The following AGL variants were observed in gnomAD, a reference collection of about 807,000 sequenced individuals.
AGL encodes the protein amylo-alpha-1,6-glucosidase and 4-alpha-glucanotransferase.
Under a neutral mutation model 199.3 loss-of-function variants are expected in AGL, and 128 were observed. The ratio of observed to expected loss-of-function variants is 0.64; its 90% confidence interval spans 0.56 to 0.74. The LOEUF is 0.74. Ranked by LOEUF, AGL falls within the 30% of genes least tolerant of loss-of-function variation. The pLI, the probability that AGL is intolerant of heterozygous loss-of-function variation, is 0.00. For missense variants in AGL, 1,809 were observed against 1,820.8 expected, an observed-to-expected ratio of 0.99 and a Z score of 0.12; for synonymous variants, 584 against 594.7, an observed-to-expected ratio of 0.98 and a Z score of 0.26.
chr1:99,917,840 A>C lies in AGL; in HGVS notation c.4481+1109A>C, dbSNP rs191728382. 2.0e-5 allele frequency among the ~76,000 whole-genome samples: 3 copies of C among 152,226 alleles called. No individual in the cohort carries two copies. The East Asian group carries it at 5.8e-4, about 29-fold the overall frequency. On this transcript the variant is annotated intron_variant, in intron 33 of 33. Coordinates refer to ENST00000361915, the MANE Select transcript of AGL (RefSeq NM_000642.3). ...TTTTTCCCCTCCCGGCCTGTGTGCT[A>C]TCATCATCATCCATTTTGCTTTTAC...
chr1:99,857,847 A>AGAGGGAGACCGTGGG (rs1557743553), intron 2 of AGL, among the ~76,000 whole-genome samples: 7 of 8,242 alleles, frequency 8.5e-4, no homozygotes, highest in East Asian at 4.7e-3. Flanking sequence ...GGGGAGGGGG[A>AGAGGGAGACCGTGGG]GGGGGGAAGA....
intron 33 of AGL, among the ~76,000 whole-genome samples, chr1:99,920,280 C>A (rs145383534): frequency 6.6e-6 from 1 of 152,320 alleles, no homozygotes; most frequent in East Asian, 1.9e-4. Context: ...CAGAGCCATG[C>A]TCCCTCTGAA....
chr1:99,870,193 GAAAAA>G (rs530402620), intron 5 of AGL, among the ~76,000 whole-genome samples: 180 of 140,408 alleles, frequency 1.3e-3, no homozygotes, highest in African/African-American at 4.3e-3. Context: ...ATTAAAGTTA[GAAAAA>G]AAAAAAGTAT....
At chr1:99,889,418 A>G (rs1652712465) in intron 21 of AGL, among the ~76,000 whole-genome samples, 1 of 152,126 alleles carries the variant, frequency 6.6e-6, no homozygotes, top group Non-Finnish European at 1.5e-5. Flanking sequence ...TGAGTAAGAA[A>G]GAAGTGTATG....
rs1350467206 is a variant in AGL, at chr1:99,862,372, T to C, written c.409T>C (p.Leu137=). ...VTLQTFLAKC[L]GPFDEWESRL... is the part of the protein sequence containing the mutation. ...TCTTCAGACATTTTTAGCTAAGTGTTTGGGACCTTTTGATGAATGGGAAAG... is the reference window on the plus strand; with the variant it reads ...TCTTCAGACATTTTTAGCTAAGTGTCTGGGACCTTTTGATGAATGGGAAAG... Residue 137 remains leucine, a synonymous_variant, in exon 4 of 34, where the codon TTG becomes CTG. Transcript: ENST00000361915. 3.1e-6 allele frequency: 5 copies of C among 1,614,004 alleles called. No homozygotes were observed. The highest frequency in any genetic ancestry group is 3.4e-6 in the Non-Finnish European group (4 of 1,180,010).
At chr1:99,855,188 G>A (rs1260995453) in intron 2 of AGL, among the ~76,000 whole-genome samples, 7 of 151,976 alleles carry the variant, frequency 4.6e-5, no homozygotes, top group Middle Eastern at 3.4e-3. Context: ...GCAACAGAGC[G>A]AGACTCCGAC....
chr1:99,917,326 A>T (rs1050631791), intron 33 of AGL, among the ~76,000 whole-genome samples: 68 of 152,254 alleles, frequency 4.5e-4, no homozygotes, highest in Middle Eastern at 3.4e-3. Flanking sequence ...CACAAATTTT[A>T]TCTCCTTTCT....
chr1:99,851,118 G>C lies in AGL; in HGVS notation c.76G>C (p.Glu26Gln), dbSNP rs781592803. Reference sequence around the variant, plus strand: ...ACTGGAAAAGACCCTCTTCAGACTTGAACAAGGTCAGTAGCAAGTTGTTTT... The same window carrying C: ...ACTGGAAAAGACCCTCTTCAGACTTCAACAAGGTCAGTAGCAAGTTGTTTT... ...EKLEKTLFRLEQGYELQFRLG... is the reference protein window; with the variant it reads ...EKLEKTLFRLQQGYELQFRLG... The change falls in exon 2 of 34, where the codon GAA (glutamate) becomes CAA (glutamine). Residue 26 changes from glutamate (E) to glutamine (Q), a missense_variant. Glu to Gln is a conservative substitution (Grantham distance 29, BLOSUM62 2). Transcript: ENST00000361915. The C allele has an allele frequency of 6.8e-6, 11 of 1,613,762 alleles. No homozygotes were observed. Among genetic ancestry groups the C allele is most frequent in the Admixed American group, 1.7e-5 (1 of 60,024 alleles).
At chr1:99,857,781 C>G (rs1239730584) in intron 2 of AGL, among the ~76,000 whole-genome samples, 6 of 9,012 alleles carry the variant, frequency 6.7e-4, no homozygotes, top group Admixed American at 1.5e-3. Context: ...AGCCTTGGCT[C>G]GGCATCAGAG....
chr1:99,879,990 G>GTGAA lies in AGL; in HGVS notation c.1680_1683dup (p.Asp562Ter). ...GTAGTAGCTGAACTGTTCACAGGAA[G>GTGAA]TGAAGATCTGGACAATGTCTTTGTT... On this transcript the variant is annotated frameshift_variant, in exon 13 of 34. Coordinates refer to ENST00000361915, the MANE Select transcript of AGL (RefSeq NM_000642.3). LOFTEE classifies it high-confidence loss of function. 1.2e-6 allele frequency: 2 copies of GTGAA among 1,613,766 alleles called. No homozygotes were observed. The highest frequency in any genetic ancestry group is 1.7e-6 in the Non-Finnish European group (2 of 1,179,818).
chr1:99,908,320 T>G (rs944645665), intron 27 of AGL, among the ~76,000 whole-genome samples: 3 of 152,194 alleles, frequency 2.0e-5, no homozygotes, highest in Non-Finnish European at 4.4e-5. Flanking sequence ...CAAAAAAAAT[T>G]TGACTGCATA....
At chr1:99,874,413 T>C (rs1040538915) in intron 7 of AGL, 1 of 257,136 alleles carries the variant, frequency 3.9e-6, no homozygotes, top group African/African-American at 2.2e-5. Context: ...GGGGCTGAGA[T>C]TGAATTGATA....
At chr1:99,898,718 A>G (rs1653540152) in intron 25 of AGL, among the ~76,000 whole-genome samples, 1 of 152,086 alleles carries the variant, frequency 6.6e-6, no homozygotes, top group Non-Finnish European at 1.5e-5. Flanking sequence ...GGGCCTCTCC[A>G]GGAGGCAAGC....
At position 99,861,464 on chromosome 1, in the gene AGL, G is replaced by A. The variant is rs774944037; in HGVS notation, c.83-39G>A. 12 of 1,612,828 alleles carry A rather than the reference G, an allele frequency of 7.4e-6. No individual in the cohort carries two copies. In the South Asian group the frequency reaches 1.2e-4, roughly 16 times the overall value. On this transcript the variant is annotated intron_variant, in intron 2 of 33. Coordinates refer to ENST00000361915, the MANE Select transcript of AGL (RefSeq NM_000642.3). ...TCTGTTTTTCAATGTGGTAATTTAA[G>A]TCCTACGATGAGTTTATTAACATGT... is the stretch of plus-strand genomic sequence containing the variant.
At position 99,921,719 on chromosome 1, in the gene AGL, TTA is replaced by T. The variant is rs2100902650; in HGVS notation, c.*72_*73del. Reference sequence around the variant, plus strand: ...TGCAAGGTCATCATATGTAAATGCCTTATATGCACAGGCTCAAGTTGTTTTAA... The same window carrying T: ...TGCAAGGTCATCATATGTAAATGCCTTATGCACAGGCTCAAGTTGTTTTAA... On this transcript the variant is annotated 3_prime_UTR_variant, in exon 34 of 34. Coordinates refer to ENST00000361915, the MANE Select transcript of AGL (RefSeq NM_000642.3). 9.5e-7 allele frequency: 1 copy of T among 1,057,038 alleles called. No individual in the cohort carries two copies. Among genetic ancestry groups the T allele is most frequent in the Non-Finnish European group, 1.5e-6 (1 of 689,192 alleles). The allele number at this position is 1,057,038 out of a possible 1,614,324, so 65.5% of individuals were successfully genotyped here.
intron 24 of AGL, among the ~76,000 whole-genome samples, chr1:99,894,342 T>C (rs1349435027): frequency 6.6e-6 from 1 of 152,222 alleles, no homozygotes; most frequent in Non-Finnish European, 1.5e-5. Flanking sequence ...TTTGACTTTT[T>C]CACAAAGACA....
At chr1:99,861,295 A>G (rs1315259437) in intron 2 of AGL, 2 of 1,419,492 alleles carry the variant, frequency 1.4e-6, no homozygotes, top group Non-Finnish European at 1.8e-6. Flanking sequence ...CAGAGCAGAC[A>G]GCTCTATGAT....
intron 4 of AGL, among the ~76,000 whole-genome samples, chr1:99,864,122 AGT>A (rs1021346387): frequency 1.8e-4 from 28 of 152,306 alleles, no homozygotes; most frequent in Middle Eastern, 3.4e-3. Context: ...TCTAATAGGC[AGT>A]GTGTGTGAAT....
Position 99,850,773 on chromosome 1 carries a change from T to G in AGL, c.-68-202T>G. The G allele has an allele frequency of 6.7e-6, 3 of 444,852 alleles. No individual in the cohort carries two copies. In the South Asian group the frequency reaches 7.2e-5, roughly 11 times the overall value. The allele number at this position is 444,852 out of a possible 1,614,324, so 27.6% of individuals were successfully genotyped here. A position where few individuals can be genotyped will look rare whatever the true frequency, so the allele number is the denominator to read the frequency against. ...GTAAGAATCTGTAATACAGCATTTTTATTTCGGTCTTATTCGTTGTGCTCA... is the reference window on the plus strand; with the variant it reads ...GTAAGAATCTGTAATACAGCATTTTGATTTCGGTCTTATTCGTTGTGCTCA... On this transcript the variant is annotated intron_variant, in intron 1 of 33. Coordinates refer to ENST00000361915, the MANE Select transcript of AGL (RefSeq NM_000642.3).
Sources: allele counts gnomAD v4.1 joint callset (sites outside exome capture counted in the v4.1 genomes callset), GRCh38; gene constraint gnomAD v4.1.1; transcripts MANE v1.5; gene names NCBI Gene and HGNC (gene_info 2026-07-23, HGNC 2026-07-21).